Variants in PRR29 observed in about 807,000 individuals in gnomAD.
PRR29 encodes the protein proline rich 29.
In PRR29, 20 loss-of-function variants were observed where a neutral mutation model predicts 25.1. That is an observed-to-expected ratio of 0.80 (90% CI 0.56 to 1.16). The LOEUF (loss-of-function observed/expected upper bound fraction) is 1.16, where lower values mean the gene tolerates loss of function less well. Ranked by LOEUF, PRR29 falls within the 50% of genes most tolerant of loss-of-function variation. The pLI is 0.00. For missense variants in PRR29, 238 were observed against 246.6 expected (o/e 0.97, Z 0.23); for synonymous variants, 108 against 102.6 (o/e 1.05, Z -0.32).
rs1353871872 is a variant in PRR29 at position 64,002,777 on chromosome 17, C to T, written c.*1016C>T. On this transcript the variant is annotated 3_prime_UTR_variant, in exon 6 of 6. Transcript: ENST00000412177. Reference sequence around the variant, plus strand: ...GCCGGAAGGCCTGGGGCAGCCTCCTCCAAGCCGCTCGCACCCCGTAGGTGC... The same window carrying T: ...GCCGGAAGGCCTGGGGCAGCCTCCTTCAAGCCGCTCGCACCCCGTAGGTGC... 1.2e-6 allele frequency: 2 copies of T among 1,612,912 alleles called. No homozygotes were observed. The highest frequency in any genetic ancestry group is 1.7e-6 in the Non-Finnish European group (2 of 1,179,942).
rs1371472199 is a variant in PRR29 at position 64,000,773 on chromosome 17, C to G, written c.244-311C>G. 4 of 343,238 alleles carry G rather than the reference C, an allele frequency of 1.2e-5. No homozygotes were observed. The Admixed American group carries it at 1.2e-4, about 10-fold the overall frequency. 21.3% of individuals were successfully genotyped at this position (343,238 alleles called of 1,614,324 possible). ...GTTCACGCCATTCTCCTGCCTCAGC[C>G]TCCTGAGTAGCTGGGACTACAGGCG... On this transcript the variant is annotated intron_variant, in intron 3 of 5. Transcript: ENST00000412177.
chr17:64,001,815 C>T lies in PRR29; in HGVS notation c.*54C>T, dbSNP rs750961461. ...CAGCTTCCTGCTCTGGATACAGCCC[C>T]GGAGCCGCCTCCTGCACCTCTCTTG... is the stretch of plus-strand genomic sequence containing the variant. On this transcript the variant is annotated 3_prime_UTR_variant, in exon 6 of 6. Transcript: ENST00000412177. 1.6e-5 allele frequency: 24 copies of T among 1,536,978 alleles called. No homozygotes were observed. The highest frequency in any genetic ancestry group is 4.9e-5 in the East Asian group (2 of 40,918).
chr17:64,001,228 T>C lies in PRR29; in HGVS notation c.388T>C (p.Phe130Leu), dbSNP rs1278880347. 3.9e-6 allele frequency: 6 copies of C among 1,537,356 alleles called. No homozygotes were observed. In the South Asian group the frequency reaches 4.8e-5, roughly 12 times the overall value. ...TGCCCTGCTGCCCTGGCCAGCCCCCTTCTTCCCCACCCCTGCTTGTCAGCC... is the reference window on the plus strand; with the variant it reads ...TGCCCTGCTGCCCTGGCCAGCCCCCCTCTTCCCCACCCCTGCTTGTCAGCC... ...PGALLPWPAPFFPTPACQPYL... is the reference protein window; with the variant it reads ...PGALLPWPAPLFPTPACQPYL... Residue 130 changes from phenylalanine to leucine, a missense_variant, in exon 4 of 6, where the codon TTC becomes CTC. Phe to Leu is a conservative substitution (Grantham distance 22, BLOSUM62 0). Transcript: ENST00000412177.
Position 64,001,833 on chromosome 17 carries a change from C to A in PRR29, c.*72C>A. On this transcript the variant is annotated 3_prime_UTR_variant, in exon 6 of 6. Coordinates refer to ENST00000412177, the MANE Select transcript of PRR29 (RefSeq NM_001164257.2). ...ACAGCCCCGGAGCCGCCTCCTGCAC[C>A]TCTCTTGTCGACTCCCCGGTGCCCA... 1 of 1,537,058 alleles carries A rather than the reference C, an allele frequency of 6.5e-7. No homozygotes were observed. Among genetic ancestry groups the A allele is most frequent in the Non-Finnish European group, 8.7e-7 (1 of 1,146,886 alleles).
rs2143173263 is a variant in PRR29, at chr17:64,003,638, C to T, written c.*1877C>T. ...CTCCCAACTCCATCCACGGATCCCC[C>T]CTCACCATAGATCTCCAACATCTTC... On this transcript the variant is annotated 3_prime_UTR_variant, in exon 6 of 6. Transcript: ENST00000412177. 6.2e-7 allele frequency: 1 copy of T among 1,609,558 alleles called. No homozygotes were observed. Among genetic ancestry groups the T allele is most frequent in the African/African-American group, 1.3e-5 (1 of 75,024 alleles).
chr17:64,003,420 G>T lies in PRR29; in HGVS notation c.*1659G>T. ...AGCCGTCAAGGTCATGGGGCTTGAT[G>T]GTGGCCGAGGAACTAGTTGACCTCT... is the stretch of plus-strand genomic sequence containing the variant. On this transcript the variant is annotated 3_prime_UTR_variant, in exon 6 of 6. Coordinates refer to ENST00000412177, the MANE Select transcript of PRR29 (RefSeq NM_001164257.2). 1 of 573,250 alleles carries T rather than the reference G, an allele frequency of 1.7e-6. No homozygotes were observed. Among genetic ancestry groups the T allele is most frequent in the South Asian group, 2.1e-5 (1 of 48,074 alleles). The allele number at this position is 573,250 out of a possible 1,614,324, so 35.5% of individuals were successfully genotyped here.
Position 64,003,172 on chromosome 17 carries a change from C to G in PRR29, c.*1411C>G. 1 of 518,976 alleles carries G rather than the reference C, an allele frequency of 1.9e-6. No homozygotes were observed. Among genetic ancestry groups the G allele is most frequent in the Non-Finnish European group, 3.5e-6 (1 of 288,306 alleles). 32.1% of individuals were successfully genotyped at this position (518,976 alleles called of 1,614,324 possible). ...CTGTGTGGCTGTGAGGGCAGATGTC[C>G]CCTTGTCAGCAGCCATGGGACCAGT... On this transcript the variant is annotated 3_prime_UTR_variant, in exon 6 of 6. Coordinates refer to ENST00000412177, the MANE Select transcript of PRR29 (RefSeq NM_001164257.2).
In PRR29 at chr17:64,002,927, TGGGGAGG is replaced by T; in HGVS notation, c.*1168_*1174del. ...CCATCTGGCTGTCCGACACAGGCTC[TGGGGAGG>T]GAGGGGGCAAGGGTCTTAGACGTCC... is the stretch of plus-strand genomic sequence containing the variant. On this transcript the variant is annotated 3_prime_UTR_variant, in exon 6 of 6. Coordinates refer to ENST00000412177, the MANE Select transcript of PRR29 (RefSeq NM_001164257.2). 1 of 1,612,408 alleles carries T rather than the reference TGGGGAGG, an allele frequency of 6.2e-7. No individual in the cohort carries two copies. Among genetic ancestry groups the T allele is most frequent in the Non-Finnish European group, 8.5e-7 (1 of 1,179,128 alleles).
Position 64,002,003 on chromosome 17 carries a change from T to C in PRR29, c.*242T>C, listed in dbSNP as rs1460505542. Reference sequence around the variant, plus strand: ...GCTCCCTAGAGCACCACCCAGGCCCTTGAAGCCACGTCAGCCCGCCTCTGC... The same window carrying C: ...GCTCCCTAGAGCACCACCCAGGCCCCTGAAGCCACGTCAGCCCGCCTCTGC... On this transcript the variant is annotated 3_prime_UTR_variant, in exon 6 of 6. Transcript: ENST00000412177. 2 of 1,530,202 alleles carry C rather than the reference T, an allele frequency of 1.3e-6. No individual in the cohort carries two copies. Among genetic ancestry groups the C allele is most frequent in the South Asian group, 1.2e-5 (1 of 83,894 alleles). 94.8% of individuals were successfully genotyped at this position (1,530,202 alleles called of 1,614,324 possible). A position where few individuals can be genotyped will look rare whatever the true frequency, so the allele number is the denominator to read the frequency against.
chr17:63,999,853 GGCAAGTGTGTGCGTGCAA>G (rs368029853), intron 3 of PRR29: 6,248 of 153,552 alleles, frequency 0.041, 183 homozygotes, highest in Middle Eastern at 0.12. Context: ...GGGTTGTGAA[GGCAAGTGTGTGCGTGCAA>G]GCAAGTGTGT....
chr17:64,001,419 G>A lies in PRR29; in HGVS notation c.471-48G>A, dbSNP rs571725295. The A allele has an allele frequency of 1.2e-5, 18 of 1,495,186 alleles. No homozygotes were observed. The African/African-American group carries it at 2.4e-4, about 20-fold the overall frequency. The allele number at this position is 1,495,186 out of a possible 1,614,324, so 92.6% of individuals were successfully genotyped here. On this transcript the variant is annotated intron_variant, in intron 4 of 5. Transcript: ENST00000412177. ...ATAACTTGTGGGTGAAACTCCAGAG[G>A]CCACCCCTGGGCCTCTGATGGGGGT...
rs1020661510 is a variant in PRR29, at chr17:64,004,000, G to A, written c.*2239G>A. The A allele has an allele frequency of 1.3e-6, 2 of 1,500,756 alleles. No individual in the cohort carries two copies. The highest frequency in any genetic ancestry group is 2.8e-5 in the African/African-American group (2 of 72,550). The allele number at this position is 1,500,756 out of a possible 1,614,324, so 93.0% of individuals were successfully genotyped here. On this transcript the variant is annotated 3_prime_UTR_variant, in exon 6 of 6. Coordinates refer to ENST00000412177, the MANE Select transcript of PRR29 (RefSeq NM_001164257.2). ...CAAAGGAGGGAGGTCTGGTCAGGAT[G>A]GGGGTGCAGTCCCAGCAGCCTCCCC...
rs113089069 is a variant in PRR29, at chr17:64,001,009, G to C, written c.244-75G>C. 175 of 1,227,976 alleles carry C rather than the reference G, an allele frequency of 1.4e-4. 4 individuals carry two copies. In the African/African-American group the frequency reaches 1.8e-3, roughly 12 times the overall value. 76.1% of individuals were successfully genotyped at this position (1,227,976 alleles called of 1,614,324 possible). ...GCCTATCTGGAGGAAATAACTTAGG[G>C]GAATGGAGGAGTGGCGGTGGGGAGA... On this transcript the variant is annotated intron_variant, in intron 3 of 5. Coordinates refer to ENST00000412177, the MANE Select transcript of PRR29 (RefSeq NM_001164257.2).
Position 63,998,769 on chromosome 17 carries a change from C to A in PRR29, c.123C>A (p.Gly41=). 1 of 1,528,262 alleles carries A rather than the reference C, an allele frequency of 6.5e-7. No individual in the cohort carries two copies. Among genetic ancestry groups the A allele is most frequent in the Non-Finnish European group, 8.8e-7 (1 of 1,141,636 alleles). 94.7% of individuals were successfully genotyped at this position (1,528,262 alleles called of 1,614,324 possible). Residue 41 remains glycine (G), a synonymous_variant, in exon 2 of 6, where the codon GGC becomes GGA. Transcript: ENST00000412177. ...WAVPPAPPQP[G]RVKEDLLELM... ...TCCCACCTGCGCCCCCGCAGCCAGG[C>A]CGCGTGAAGGAAGGTGAGACTCCCG...
Position 64,000,892 on chromosome 17 carries a change from TC to T in PRR29, c.244-190del, listed in dbSNP as rs1313103000. The T allele has an allele frequency of 6.8e-6, 4 of 584,958 alleles. No homozygotes were observed. The Admixed American group carries it at 8.5e-5, about 12-fold the overall frequency. 36.2% of individuals were successfully genotyped at this position (584,958 alleles called of 1,614,324 possible). ...CGTGTTAGCCAGGATGGTCTCAATC[TC>T]CTGACCTTGTGATCCGCCCGCCTCG... On this transcript the variant is annotated intron_variant, in intron 3 of 5. Transcript: ENST00000412177.
At position 64,003,152 on chromosome 17, in the gene PRR29, T is replaced by C; in HGVS notation, c.*1391T>C. On this transcript the variant is annotated 3_prime_UTR_variant, in exon 6 of 6. Coordinates refer to ENST00000412177, the MANE Select transcript of PRR29 (RefSeq NM_001164257.2). ...TCAGGCTACCAGCTGGACTTCTGTG[T>C]GGCTGTGAGGGCAGATGTCCCCTTG... 1 of 544,690 alleles carries C rather than the reference T, an allele frequency of 1.8e-6. No homozygotes were observed. The highest frequency in any genetic ancestry group is 3.3e-6 in the Non-Finnish European group (1 of 303,764). 33.7% of individuals were successfully genotyped at this position (544,690 alleles called of 1,614,324 possible).
chr17:63,999,132 C>T (rs1371405111), intron 3 of PRR29, 58 bp downstream of exon 3: 5 of 1,309,068 alleles, frequency 3.8e-6, no homozygotes, highest in Non-Finnish European at 5.3e-6. Context: ...TGCGGATCCA[C>T]CTGGGGTTCC....
intron 2 of PRR29, 32 bp from the exon 3 acceptor site, chr17:63,998,936 C>T: frequency 1.3e-6 from 2 of 1,530,818 alleles, no homozygotes; most frequent in Non-Finnish European, 1.8e-6. Flanking sequence ...ACTCGGAGGC[C>T]CGGCGTGGGC....
Position 64,002,616 on chromosome 17 carries a change from G to T in PRR29, c.*855G>T. The T allele has an allele frequency of 1.3e-6, 1 of 783,912 alleles. No homozygotes were observed. Among genetic ancestry groups the T allele is most frequent in the Non-Finnish European group, 2.0e-6 (1 of 495,944 alleles). 48.6% of individuals were successfully genotyped at this position (783,912 alleles called of 1,614,324 possible). ...GGGCTAAGTCCAGGTGTTTGTATTC[G>T]GGCTAGAAAAGGCAATGTCCCAAGT... On this transcript the variant is annotated 3_prime_UTR_variant, in exon 6 of 6. Coordinates refer to ENST00000412177, the MANE Select transcript of PRR29 (RefSeq NM_001164257.2).
Sources: allele counts gnomAD v4.1 joint callset, GRCh38; gene constraint gnomAD v4.1.1; transcripts MANE v1.5; gene names NCBI Gene and HGNC (gene_info 2026-07-23, HGNC 2026-07-21).